SH3PXD2A: variants seen among roughly 807,000 people sequenced by gnomAD.
The protein encoded by SH3PXD2A is SH3 and PX domain-containing protein 2A.
A neutral mutation model predicts 115.2 loss-of-function variants in SH3PXD2A; 32 were observed. The observed-to-expected ratio is 0.28, with a 90% CI of 0.21 to 0.37. SH3PXD2A has a LOEUF of 0.37. Among genes scored for constraint, SH3PXD2A ranks in the 10% least tolerant of loss-of-function variants. The probability of loss-of-function intolerance (pLI) is 1.00; values close to 1 mark genes in which losing one functional copy is unlikely to be tolerated. For synonymous variants in SH3PXD2A, 610 were observed against 629.1 expected, an observed-to-expected ratio of 0.97 and a Z score of 0.45; for missense variants, 1,328 against 1,498.7, an observed-to-expected ratio of 0.89 and a Z score of 1.88.
At chr10:103,713,457 T>C (rs556958499) in intron 5 of SH3PXD2A, among the ~76,000 whole-genome samples, 1 of 152,216 alleles carries the variant, frequency 6.6e-6, no homozygotes, top group Non-Finnish European at 1.5e-5. Context: ...CTCAGGCCTA[T>C]CTCTTCTTGG....
At position 103,603,706 on chromosome 10, in the gene SH3PXD2A, C is replaced by T. The variant is rs1425624871; in HGVS notation, c.1512G>A (p.Lys504=). 2 of 1,610,536 alleles carry T rather than the reference C, an allele frequency of 1.2e-6. No homozygotes were observed. The highest frequency in any genetic ancestry group is 1.1e-5 in the South Asian group (1 of 90,990). ...EGWAPASYID[K]RKKPNLSRRT... ...GGCGGCTCAGGTTGGGCTTCTTGCGCTTATCGATGTATGATGCGGGGGCCC... is the reference window on the plus strand; with the variant it reads ...GGCGGCTCAGGTTGGGCTTCTTGCGTTTATCGATGTATGATGCGGGGGCCC... Residue 504 remains lysine, a synonymous_variant, in exon 15 of 15, where the codon AAG becomes AAA. Coordinates refer to ENST00000369774, the MANE Select transcript of SH3PXD2A (RefSeq NM_001394015.1).
intron 1 of SH3PXD2A, among the ~76,000 whole-genome samples, chr10:103,833,065 T>C (rs1401959034): frequency 6.6e-6 from 1 of 152,240 alleles, no homozygotes; most frequent in Non-Finnish European, 1.5e-5. Context: ...CTTTTCATCC[T>C]GTACTTTCTA....
chr10:103,836,683 A>ACACACG (rs1491533639), intron 1 of SH3PXD2A, among the ~76,000 whole-genome samples: 16 of 436 alleles, frequency 0.037, no homozygotes, highest in African/African-American at 0.13. Flanking sequence ...ACAGACATGT[A>ACACACG]CACACACACA....
At chr10:103,644,000 A>G (rs1339892851) in intron 8 of SH3PXD2A, among the ~76,000 whole-genome samples, 1 of 151,448 alleles carries the variant, frequency 6.6e-6, no homozygotes, top group Non-Finnish European at 1.5e-5. Context: ...CTGTAGTCCC[A>G]GCTACTGGGG....
chr10:103,685,740 T>C (rs2037669562), intron 6 of SH3PXD2A, among the ~76,000 whole-genome samples: 1 of 152,138 alleles, frequency 6.6e-6, no homozygotes, highest in Non-Finnish European at 1.5e-5. Context: ...AAATGAGCCA[T>C]AGAGAAGGAC....
At chr10:103,675,768 T>TG (rs1210022178) in intron 6 of SH3PXD2A, among the ~76,000 whole-genome samples, 1 of 152,226 alleles carries the variant, frequency 6.6e-6, no homozygotes, top group Admixed American at 6.5e-5. Flanking sequence ...TCTGGCCTTG[T>TG]GCGGTGGCTC....
At chr10:103,846,442 T>C (rs1314028518) in intron 1 of SH3PXD2A, among the ~76,000 whole-genome samples, 1 of 152,236 alleles carries the variant, frequency 6.6e-6, no homozygotes, top group Admixed American at 6.5e-5. Context: ...CGACTCTGTC[T>C]ATGAGGCTTC....
chr10:103,716,051 CAGAGG>C (rs753881310), intron 5 of SH3PXD2A, among the ~76,000 whole-genome samples: 5 of 152,218 alleles, frequency 3.3e-5, no homozygotes, highest in Non-Finnish European at 7.3e-5. Context: ...GAAAGTCATG[CAGAGG>C]AGAGTGTTTT....
chr10:103,684,475 C>T (rs1416411392), intron 6 of SH3PXD2A, among the ~76,000 whole-genome samples: 1 of 151,970 alleles, frequency 6.6e-6, no homozygotes, highest in African/African-American at 2.4e-5. Context: ...TCTCCTGCCT[C>T]AGCCTCCCGA....
chr10:103,827,111 C>T (rs139395549), intron 1 of SH3PXD2A, among the ~76,000 whole-genome samples: 1 of 152,232 alleles, frequency 6.6e-6, no homozygotes, highest in East Asian at 1.9e-4. Flanking sequence ...AATAAATCAG[C>T]CAGGGAGCTC....
intron 2 of SH3PXD2A, among the ~76,000 whole-genome samples, chr10:103,779,580 G>T (rs1279717464): frequency 1.3e-5 from 2 of 152,174 alleles, no homozygotes; most frequent in Non-Finnish European, 2.9e-5. Flanking sequence ...AGCCCCTGAG[G>T]CTGCTGAGCA....
intron 1 of SH3PXD2A, among the ~76,000 whole-genome samples, chr10:103,804,918 G>C (rs1316814346): frequency 6.6e-6 from 1 of 152,044 alleles, no homozygotes; most frequent in East Asian, 1.9e-4. Flanking sequence ...CTGCATCTCT[G>C]CTTCCCACAG....
intron 8 of SH3PXD2A, among the ~76,000 whole-genome samples, chr10:103,648,228 C>G (rs1318781721): frequency 6.6e-6 from 1 of 152,158 alleles, no homozygotes; most frequent in African/African-American, 2.4e-5. Context: ...AAGGGTCAGG[C>G]AAATCCCTAC....
chr10:103,837,885 A>G (rs894546286), intron 1 of SH3PXD2A, among the ~76,000 whole-genome samples: 1 of 152,258 alleles, frequency 6.6e-6, no homozygotes, highest in East Asian at 1.9e-4. Flanking sequence ...AGAGTGCAGG[A>G]AAGAGTGGGA....
chr10:103,737,096 A>G (rs2038389430), intron 3 of SH3PXD2A, among the ~76,000 whole-genome samples: 1 of 152,244 alleles, frequency 6.6e-6, no homozygotes, highest in Non-Finnish European at 1.5e-5. Flanking sequence ...GGCTAGCACA[A>G]GACAGGTGCT....
At chr10:103,817,845 T>C (rs1197258056) in intron 1 of SH3PXD2A, among the ~76,000 whole-genome samples, 3 of 152,216 alleles carry the variant, frequency 2.0e-5, no homozygotes, top group Non-Finnish European at 4.4e-5. Context: ...ATTCCATTTA[T>C]ATGAAATGTC....
Position 103,735,925 on chromosome 10 carries a change from C to T in SH3PXD2A, c.230-117G>A, listed in dbSNP as rs573461786. On this transcript the variant is annotated intron_variant, in intron 3 of 14. Coordinates refer to ENST00000369774, the MANE Select transcript of SH3PXD2A (RefSeq NM_001394015.1). Reference sequence around the variant, plus strand: ...AGTCCAGCACTACCTGCCACCACCCCGTCCACGGTCAAGGAAACAAGAGAG... The same window carrying T: ...AGTCCAGCACTACCTGCCACCACCCTGTCCACGGTCAAGGAAACAAGAGAG... 445 of 813,270 alleles carry T rather than the reference C, an allele frequency of 5.5e-4. 8 individuals are homozygous for T. In the South Asian group the frequency reaches 5.8e-3, roughly 11 times the overall value. 50.4% of individuals were successfully genotyped at this position (813,270 alleles called of 1,614,324 possible).
At chr10:103,731,002 G>A (rs1383765129) in intron 4 of SH3PXD2A, among the ~76,000 whole-genome samples, 1 of 152,180 alleles carries the variant, frequency 6.6e-6, no homozygotes, top group African/African-American at 2.4e-5. Flanking sequence ...CTGGCTAGCT[G>A]GGGATGGCCT....
intron 1 of SH3PXD2A, among the ~76,000 whole-genome samples, chr10:103,805,838 A>G (rs2065012): frequency 0.56 from 84,535 of 152,148 alleles, 24,872 homozygotes; most frequent in South Asian, 0.69. Context: ...GGCCTGGACA[A>G]CATAGTGAGG....
Sources: allele counts gnomAD v4.1 joint callset (sites outside exome capture counted in the v4.1 genomes callset), GRCh38; gene constraint gnomAD v4.1.1; transcripts MANE v1.5; gene names NCBI Gene and HGNC (gene_info 2026-07-23, HGNC 2026-07-21).